The following CSMD1 variants were observed in gnomAD, a reference collection of about 807,000 sequenced individuals.
CSMD1 encodes the protein CUB and sushi domain-containing protein 1.
A neutral mutation model predicts 417.5 loss-of-function variants in CSMD1; 213 were observed. The ratio of observed to expected loss-of-function variants is 0.51; its 90% CI spans 0.46 to 0.57. The LOEUF (loss-of-function observed/expected upper bound fraction) is 0.57. Among genes scored for constraint, CSMD1 ranks in the 20% least tolerant of loss-of-function variants. The pLI is 0.00. For missense variants in CSMD1, 6,923 were observed against 4,529.7 expected (o/e 1.53, Z -15.17); for synonymous variants, 2,862 against 1,736.8 (o/e 1.65, Z -16.11).
chr8:3,740,600 G>C (rs1235306051), intron 6 of CSMD1, among the ~76,000 whole-genome samples: 1 of 152,120 alleles, frequency 6.6e-6, no homozygotes, highest in Non-Finnish European at 1.5e-5. Flanking sequence ...GACGAGCAGG[G>C]GCTGAGGTAG....
intron 3 of CSMD1, among the ~76,000 whole-genome samples, chr8:4,191,858 C>T (rs927715845): frequency 6.6e-6 from 1 of 151,942 alleles, no homozygotes; most frequent in East Asian, 1.9e-4. Flanking sequence ...AGTCAGTTTC[C>T]AGACCTCAGC....
At chr8:4,377,593 C>G (rs540005762) in intron 3 of CSMD1, among the ~76,000 whole-genome samples, 10 of 152,280 alleles carry the variant, frequency 6.6e-5, no homozygotes, top group South Asian at 2.1e-4. Context: ...AGTAAATTCT[C>G]AAAGCCTCAA....
intron 1 of CSMD1, among the ~76,000 whole-genome samples, chr8:4,870,961 T>C (rs981590471): frequency 1.1e-4 from 17 of 152,046 alleles, no homozygotes; most frequent in Non-Finnish European, 2.2e-4. Flanking sequence ...TCCCCAGTGC[T>C]GAGAAGAGTC....
intron 3 of CSMD1, among the ~76,000 whole-genome samples, chr8:4,140,187 T>A (rs574556002): frequency 7.5e-6 from 1 of 133,694 alleles, no homozygotes; most frequent in East Asian, 2.0e-4. Context: ...AACCCGTATC[T>A]AAAACCACAA....
At chr8:3,999,029 T>A (rs992136868) in intron 4 of CSMD1, among the ~76,000 whole-genome samples, 6 of 149,570 alleles carry the variant, frequency 4.0e-5, no homozygotes, top group Non-Finnish European at 5.9e-5. Context: ...TATATGATAC[T>A]TTATATACTA....
chr8:3,747,344 T>C (rs983445047), intron 6 of CSMD1, among the ~76,000 whole-genome samples: 2 of 152,040 alleles, frequency 1.3e-5, no homozygotes, highest in Admixed American at 6.6e-5. Flanking sequence ...CAATCCATCA[T>C]TTTCTTTGGA....
At chr8:3,543,385 C>T (rs940433010) in intron 10 of CSMD1, among the ~76,000 whole-genome samples, 1 of 152,116 alleles carries the variant, frequency 6.6e-6, no homozygotes, top group East Asian at 1.9e-4. Flanking sequence ...AAAATAATCA[C>T]TCGTTTCTGT....
intron 49 of CSMD1, among the ~76,000 whole-genome samples, chr8:3,081,835 C>A (rs1180160252): frequency 6.6e-6 from 1 of 152,166 alleles, no homozygotes; most frequent in African/African-American, 2.4e-5. Context: ...AATTTAAAAT[C>A]CACTGCCTCA....
At chr8:4,893,057 G>A (rs901208644) in intron 1 of CSMD1, among the ~76,000 whole-genome samples, 1 of 152,100 alleles carries the variant, frequency 6.6e-6, no homozygotes, top group Non-Finnish European at 1.5e-5. Context: ...CAGGAATGAG[G>A]GCTGTGTCGA....
chr8:3,067,664 TAAAAA>T (rs144512454), intron 49 of CSMD1, among the ~76,000 whole-genome samples: 8,005 of 150,446 alleles, frequency 0.053, 219 homozygotes, highest in Middle Eastern at 0.067. Context: ...TAACATATAA[TAAAAA>T]TTTATATTCA....
chr8:4,249,667 C>G (rs116295197), intron 3 of CSMD1, among the ~76,000 whole-genome samples: 143 of 152,268 alleles, frequency 9.4e-4, no homozygotes, highest in African/African-American at 3.1e-3. Context: ...GAGCTGCCAG[C>G]TCTCTTCTCC....
At chr8:2,994,219 A>C (rs1806673737) in intron 54 of CSMD1, among the ~76,000 whole-genome samples, 1 of 151,890 alleles carries the variant, frequency 6.6e-6, no homozygotes, top group Non-Finnish European at 1.5e-5. Context: ...GTAAGAAAAC[A>C]ACATTCAAAC....
intron 10 of CSMD1, among the ~76,000 whole-genome samples, chr8:3,554,054 G>T (rs539802429): frequency 1.3e-5 from 2 of 152,318 alleles, no homozygotes; most frequent in East Asian, 1.9e-4. Context: ...TGAAAGATGG[G>T]ATGTGGATGT....
At chr8:3,314,062 T>G (rs956073970) in intron 23 of CSMD1, among the ~76,000 whole-genome samples, 2 of 151,328 alleles carry the variant, frequency 1.3e-5, no homozygotes, top group Admixed American at 6.6e-5. Context: ...TAGGTGGGAA[T>G]TGAACAATGA....
chr8:3,258,530 T>C (rs1456300646), intron 26 of CSMD1, among the ~76,000 whole-genome samples: 1 of 152,140 alleles, frequency 6.6e-6, no homozygotes, highest in East Asian at 1.9e-4. Context: ...TGGAAGACAG[T>C]GTGGTGATTC....
chr8:3,371,970 G>T (rs1475714500), intron 18 of CSMD1, among the ~76,000 whole-genome samples: 1 of 152,058 alleles, frequency 6.6e-6, no homozygotes, highest in Non-Finnish European at 1.5e-5. Context: ...CCAGCATCAG[G>T]GATGATTAAT....
intron 5 of CSMD1, among the ~76,000 whole-genome samples, chr8:3,823,494 G>C (rs1193828901): frequency 6.6e-6 from 1 of 152,056 alleles, no homozygotes; most frequent in Non-Finnish European, 1.5e-5. Context: ...GAACCATTTA[G>C]CTTATGCTTG....
intron 5 of CSMD1, among the ~76,000 whole-genome samples, chr8:3,815,801 G>T (rs566682351): frequency 6.6e-6 from 1 of 151,918 alleles, no homozygotes; most frequent in Non-Finnish European, 1.5e-5. Context: ...GCTAGTGAAC[G>T]GGCCTAGAAA....
At chr8:4,538,387 A>T (rs1184791549) in intron 2 of CSMD1, among the ~76,000 whole-genome samples, 1 of 152,068 alleles carries the variant, frequency 6.6e-6, no homozygotes, top group Non-Finnish European at 1.5e-5. Context: ...TTATGCCTGT[A>T]ATCCAAGCAC....
Sources: gnomAD v4.1 joint callset for allele counts (sites outside exome capture counted in the v4.1 genomes callset) on GRCh38, gnomAD v4.1.1 for gene constraint, MANE v1.5 for transcripts, NCBI Gene and HGNC (gene_info 2026-07-23, HGNC 2026-07-21) for gene names.